The following PACSIN1 variants were observed in gnomAD, a reference collection of about 807,000 sequenced individuals.
PACSIN1 encodes the protein protein kinase C and casein kinase substrate in neurons 1, also known as protein kinase C and casein kinase substrate in neurons protein 1.
In PACSIN1, 15 loss-of-function variants were observed where a neutral mutation model predicts 59.5. That is an observed-to-expected ratio of 0.25 (90% CI 0.17 to 0.39). PACSIN1 has a LOEUF of 0.39. Ranked by LOEUF, PACSIN1 falls within the 10% of genes least tolerant of loss-of-function variation. The probability of loss-of-function intolerance (pLI) is 1.00; values close to 1 mark genes in which losing one functional copy is unlikely to be tolerated. For synonymous variants in PACSIN1, 210 were observed against 220.6 expected (o/e 0.95, Z 0.42); for missense variants, 420 against 580.2 (o/e 0.72, Z 2.84).
chr6:34,534,915 C>G lies in PACSIN1; in HGVS notation c.*2385C>G, dbSNP rs1359691237. 1 of 152,784 alleles carries G rather than the reference C, an allele frequency of 6.5e-6. No individual in the cohort carries two copies. Among genetic ancestry groups the G allele is most frequent in the Non-Finnish European group, 1.5e-5 (1 of 68,138 alleles). 9.5% of individuals were successfully genotyped at this position (152,784 alleles called of 1,614,324 possible). On this transcript the variant is annotated 3_prime_UTR_variant, in exon 10 of 10. Coordinates refer to ENST00000244458, the MANE Select transcript of PACSIN1 (RefSeq NM_020804.5). Reference sequence around the variant, plus strand: ...CCACGGCCTCCTCCTGTAGCTCCTGCCTGCACCCACGATGCTGCACGGGCC... The same window carrying G: ...CCACGGCCTCCTCCTGTAGCTCCTGGCTGCACCCACGATGCTGCACGGGCC...
intron 1 of PACSIN1, among the ~76,000 whole-genome samples, chr6:34,523,307 C>T (rs186050476): frequency 4.6e-5 from 7 of 152,356 alleles, no homozygotes; most frequent in Non-Finnish European, 7.3e-5. Flanking sequence ...TAAGATCACA[C>T]AGGGATGCTG....
Position 34,531,607 on chromosome 6 carries a change from A to C in PACSIN1, c.1045A>C (p.Ser349Arg). Residue 349 changes from serine (S) to arginine (R), a missense_variant, in exon 9 of 10, where the codon AGC (serine) becomes CGC (arginine). Coordinates refer to ENST00000244458, the MANE Select transcript of PACSIN1 (RefSeq NM_020804.5). The surrounding 1 kb of genome is among the most constrained non-coding windows in gnomAD (Gnocchi z 4.4). ...CCTTCCTCCGCGTCTCAGTGTTAGC[A>C]GCTACGACAGAGGCCAGCCCTACGC... is the stretch of plus-strand genomic sequence containing the variant. ...SQAGDRGSVS[S>R]YDRGQPYATE... The C allele has an allele frequency of 1.2e-6, 2 of 1,613,840 alleles. No homozygotes were observed. Among genetic ancestry groups the C allele is most frequent in the Non-Finnish European group, 1.7e-6 (2 of 1,179,982 alleles).
At chr6:34,510,161 A>G (rs889467165) in intron 1 of PACSIN1, among the ~76,000 whole-genome samples, 10 of 152,270 alleles carry the variant, frequency 6.6e-5, no homozygotes, top group South Asian at 6.2e-4. Flanking sequence ...TTCTATGAAC[A>G]TTCTTGGACG....
chr6:34,472,585 G>A (rs969896091), intron 1 of PACSIN1, among the ~76,000 whole-genome samples: 11 of 152,274 alleles, frequency 7.2e-5, no homozygotes, highest in Admixed American at 2.0e-4. Flanking sequence ...AAATGAGCAC[G>A]TAAACTCCAT....
rs184188092 is a variant in PACSIN1 at position 34,474,601 on chromosome 6, C to G, written c.-64+8331C>G. 3.9e-3 allele frequency among the ~76,000 whole-genome samples: 589 copies of G among 152,012 alleles called. 3 individuals are homozygous for G. Among genetic ancestry groups the G allele is most frequent in the Middle Eastern group, 0.024 (7 of 292 alleles). On this transcript the variant is annotated intron_variant, in intron 1 of 9. Transcript: ENST00000244458. ...GGTCAGGGGTTTCAGACCAGCCTGG[C>G]CAACATGGTGAAACCCCATCTGTAC...
intron 1 of PACSIN1, among the ~76,000 whole-genome samples, chr6:34,508,101 T>TTTGTTTGTTTGTTTG (rs1561964496): frequency 6.7e-6 from 1 of 149,306 alleles, no homozygotes; most frequent in African/African-American, 2.6e-5. Flanking sequence ...GTAGTTCTTT[T>TTTGTTTGTTTGTTTG]TTTGTTTGTT....
chr6:34,529,743 G>A lies in PACSIN1; in HGVS notation c.690G>A (p.Val230=). The change falls in exon 6 of 10, where the codon GTG becomes GTA. Residue 230 remains valine (V), a synonymous_variant. Transcript: ENST00000244458. The surrounding 1 kb of genome is among the most constrained non-coding windows in gnomAD (Gnocchi z 6.3). ...TPQYMENMEQ[V]FEQCQQFEEK... The stretch of plus-strand genomic sequence containing the variant: ...AGTACATGGAGAACATGGAGCAGGT[G>A]TTTGAGCAATGCCAGCAATTTGAGG... 6.2e-7 allele frequency: 1 copy of A among 1,613,758 alleles called. No individual in the cohort carries two copies. The highest frequency in any genetic ancestry group is 8.5e-7 in the Non-Finnish European group (1 of 1,179,948).
chr6:34,504,026 G>A (rs1408250482), intron 1 of PACSIN1, among the ~76,000 whole-genome samples: 1 of 151,848 alleles, frequency 6.6e-6, no homozygotes, highest in Non-Finnish European at 1.5e-5. Flanking sequence ...AGTTGCTCTA[G>A]GTATTACCAT....
chr6:34,474,472 C>T (rs532040770), intron 1 of PACSIN1, among the ~76,000 whole-genome samples: 59 of 152,186 alleles, frequency 3.9e-4, no homozygotes, highest in African/African-American at 1.3e-3. Flanking sequence ...CAATGACTCC[C>T]CTCCCATTCA....
chr6:34,499,217 T>G (rs565045603), intron 1 of PACSIN1, among the ~76,000 whole-genome samples: 1 of 151,934 alleles, frequency 6.6e-6, no homozygotes, highest in African/African-American at 2.4e-5. Context: ...ATCCCTCGCA[T>G]TCACAAGTTC....
In PACSIN1 at chr6:34,527,422, A is replaced by C; in HGVS notation, c.154A>C (p.Ile52Leu). ...GAACTGCGTGCAGGAGCGCGCCAAG[A>C]TCGAGAAGGCGTACGGGCAGCAGCT... is the stretch of plus-strand genomic sequence containing the variant. ...LMNCVQERAK[I>L]EKAYGQQLTD... Residue 52 changes from isoleucine (I) to leucine (L), a missense_variant, in exon 3 of 10, where the codon ATC becomes CTC. By Grantham distance (5) the Ile-to-Leu change is conservative. Transcript: ENST00000244458. The C allele has an allele frequency of 1.3e-6, 2 of 1,599,520 alleles. No individual in the cohort carries two copies. Among genetic ancestry groups the C allele is most frequent in the Non-Finnish European group, 1.7e-6 (2 of 1,174,324 alleles).
intron 1 of PACSIN1, among the ~76,000 whole-genome samples, chr6:34,480,710 G>A (rs138710187): frequency 5.3e-4 from 80 of 152,134 alleles, no homozygotes; most frequent in African/African-American, 1.8e-3. Context: ...ATATCCCCAG[G>A]TAAACATATG....
At chr6:34,509,820 GTTA>G (rs1433585306) in intron 1 of PACSIN1, among the ~76,000 whole-genome samples, 1 of 151,896 alleles carries the variant, frequency 6.6e-6, no homozygotes, top group Non-Finnish European at 1.5e-5. Flanking sequence ...CTTTTTTGAT[GTTA>G]TTATAAATAG....
At chr6:34,482,579 C>A (rs1172202227) in intron 1 of PACSIN1, among the ~76,000 whole-genome samples, 1 of 152,022 alleles carries the variant, frequency 6.6e-6, no homozygotes, top group Admixed American at 6.6e-5. Context: ...CTTCTAAGAA[C>A]ATTTATATGC....
intron 1 of PACSIN1, among the ~76,000 whole-genome samples, chr6:34,478,947 G>A (rs922359345): frequency 2.6e-5 from 4 of 152,018 alleles, no homozygotes; most frequent in East Asian, 1.9e-4. Context: ...ATTCTAATAC[G>A]GCAAGAGGAG....
chr6:34,497,690 G>A (rs1390839870), intron 1 of PACSIN1, among the ~76,000 whole-genome samples: 12 of 152,206 alleles, frequency 7.9e-5, no homozygotes, highest in East Asian at 3.9e-4. Flanking sequence ...TCCCTCCCAC[G>A]CTCTGCTGGG....
intron 1 of PACSIN1, among the ~76,000 whole-genome samples, chr6:34,512,530 C>G (rs1453109584): frequency 6.6e-6 from 1 of 152,182 alleles, no homozygotes; most frequent in Middle Eastern, 3.2e-3. Flanking sequence ...TAGGAAGCCT[C>G]TGCTCTTGGG....
intron 1 of PACSIN1, among the ~76,000 whole-genome samples, chr6:34,511,483 C>T (rs545250072): frequency 6.6e-6 from 1 of 152,266 alleles, no homozygotes; most frequent in South Asian, 2.1e-4. Context: ...ACACTGGATA[C>T]GGTATAAAGC....
intron 2 of PACSIN1, 87 bp from the exon 3 acceptor site, chr6:34,527,245 A>G (rs1238711406): frequency 7.0e-6 from 9 of 1,280,550 alleles, no homozygotes; most frequent in Non-Finnish European, 9.2e-6. Flanking sequence ...GGGGCGGAAG[A>G]CAGTGGGCGT....
Sources: gnomAD v4.1 joint callset for allele counts (sites outside exome capture counted in the v4.1 genomes callset) on GRCh38, gnomAD v4.1.1 for gene constraint, Gnocchi (gnomAD v3.1) non-coding constraint, MANE v1.5 for transcripts, NCBI Gene and HGNC (gene_info 2026-07-23, HGNC 2026-07-21) for gene names.